Variants in ACCSL observed in about 807,000 individuals in gnomAD.
ACCSL encodes 1-aminocyclopropane-1-carboxylate synthase homolog (inactive) like.
In ACCSL, 55 loss-of-function variants were observed where a neutral mutation model predicts 61.7. That is an observed-to-expected ratio of 0.89 (90% CI 0.72 to 1.12). ACCSL has a LOEUF of 1.12. ACCSL is among the 50% of genes most tolerant of loss of function. The pLI, the probability that ACCSL is intolerant of heterozygous loss-of-function variation, is 0.00. For synonymous variants in ACCSL, 258 were observed against 264.3 expected (o/e 0.98, Z 0.23); for missense variants, 632 against 698.0 (o/e 0.91, Z 1.07).
At chr11:43,945,680 C>CA in the ACCSL span, 10,535 of 129,224 alleles carry the variant, frequency 0.082, 440 homozygotes, top group Middle Eastern at 0.13. Flanking sequence ...CCTATCTCTA[C>CA]AAAAAAAAAA....
At chr11:44,001,394 A>C in the ACCSL span, among the ~76,000 whole-genome samples, 4 of 151,952 alleles carry the variant, frequency 2.6e-5, no homozygotes, top group African/African-American at 9.7e-5. Context: ...ATTTCTGTTC[A>C]GTCTTTTGTT....
the ACCSL span, among the ~76,000 whole-genome samples, chr11:43,926,740 C>A: frequency 6.6e-6 from 1 of 152,246 alleles, no homozygotes; most frequent in Non-Finnish European, 1.5e-5. Flanking sequence ...CATGGCAACT[C>A]TTTACATTGG....
chr11:43,987,934 C>T, the ACCSL span, among the ~76,000 whole-genome samples: 3 of 152,078 alleles, frequency 2.0e-5, no homozygotes, highest in South Asian at 2.1e-4. Context: ...CCCCCACCCC[C>T]CCGCAGGGAA....
the ACCSL span, among the ~76,000 whole-genome samples, chr11:44,002,802 T>C: frequency 6.6e-6 from 1 of 152,252 alleles, no homozygotes; most frequent in East Asian, 1.9e-4. Context: ...TGATTTTTTG[T>C]TGTGGAGGTT....
Position 44,053,470 on chromosome 11 carries a change from C to A in ACCSL, c.1013C>A (p.Pro338Gln), listed in dbSNP as rs1245129311. The A allele has an allele frequency of 3.1e-6, 5 of 1,614,168 alleles. No homozygotes were observed. The highest frequency in any genetic ancestry group is 2.2e-5 in the East Asian group (1 of 44,884). The change falls in exon 8 of 14, where the codon CCA becomes CAA. Residue 338 changes from proline to glutamine, a missense_variant. Physicochemically the swap from Pro to Gln is moderately conservative, Grantham distance 76. Coordinates refer to ENST00000378832, the MANE Select transcript of ACCSL (RefSeq NM_001031854.2). The part of the protein sequence containing the change: ...PQNPLGDIYS[P>Q]DSLMKYLEFA... ...AATCCTCTGGGTGACATCTACTCCCCAGACTCACTGATGAAATACCTGGAA... is the reference window on the plus strand; with the variant it reads ...AATCCTCTGGGTGACATCTACTCCCAAGACTCACTGATGAAATACCTGGAA...
the ACCSL span, chr11:43,933,326 C>T: frequency 8.3e-6 from 3 of 359,604 alleles, no homozygotes; most frequent in African/African-American, 4.2e-5. Context: ...TGGACCTAGT[C>T]CAGAGAACCA....
chr11:43,932,359 C>T, the ACCSL span, among the ~76,000 whole-genome samples: 1 of 152,160 alleles, frequency 6.6e-6, no homozygotes, highest in African/African-American at 2.4e-5. Context: ...CCTCCGCCTC[C>T]CGGGTTCAAG....
chr11:44,049,821 T>C (rs12225717), intron 1 of ACCSL, among the ~76,000 whole-genome samples: 3,068 of 152,366 alleles, frequency 0.02, 73 homozygotes, highest in African/African-American at 0.051. Context: ...TAGTATCTGG[T>C]ACATAATAAG....
the ACCSL span, among the ~76,000 whole-genome samples, chr11:43,953,284 G>A: frequency 6.6e-5 from 10 of 152,228 alleles, no homozygotes; most frequent in Middle Eastern, 3.4e-3. Flanking sequence ...GGATGCCAAG[G>A]TGGATGGATC....
chr11:43,987,581 G>A, the ACCSL span, among the ~76,000 whole-genome samples: 1 of 152,164 alleles, frequency 6.6e-6, no homozygotes, highest in African/African-American at 2.4e-5. Flanking sequence ...GACAGGAAGT[G>A]GAATCTGGGT....
chr11:44,052,707 G>A lies in ACCSL; in HGVS notation c.818G>A (p.Ser273Asn), dbSNP rs769225471. ...PAPFYGGFAF[S>N]SRLYAKVELI... The stretch of plus-strand genomic sequence containing the variant: ...CCCTTCTATGGTGGCTTTGCCTTTA[G>A]CTCCCGCCTGTATGCAAAGGTTGAG... The change falls in exon 6 of 14, where the codon AGC becomes AAC. Residue 273 changes from serine to asparagine, a missense_variant. Physicochemically the swap from Ser to Asn is conservative, Grantham distance 46. Coordinates refer to ENST00000378832, the MANE Select transcript of ACCSL (RefSeq NM_001031854.2). 1 of 1,614,134 alleles carries A rather than the reference G, an allele frequency of 6.2e-7. No individual in the cohort carries two copies. The highest frequency in any genetic ancestry group is 1.1e-5 in the South Asian group (1 of 91,082).
chr11:44,023,533 T>C, the ACCSL span, among the ~76,000 whole-genome samples: 4 of 152,054 alleles, frequency 2.6e-5, no homozygotes, highest in African/African-American at 9.7e-5. Context: ...GTAACTCGAA[T>C]TTTTTCTTTC....
At chr11:44,021,633 C>T in the ACCSL span, among the ~76,000 whole-genome samples, 1 of 152,054 alleles carries the variant, frequency 6.6e-6, no homozygotes, top group Non-Finnish European at 1.5e-5. Context: ...TAAGTCTCAT[C>T]TATTTATCTT....
At chr11:44,013,029 T>C in the ACCSL span, among the ~76,000 whole-genome samples, 1 of 152,164 alleles carries the variant, frequency 6.6e-6, no homozygotes, top group African/African-American at 2.4e-5. Context: ...AAATACTCAT[T>C]AAATCTGTGA....
At chr11:43,999,724 G>A in the ACCSL span, among the ~76,000 whole-genome samples, 2 of 152,132 alleles carry the variant, frequency 1.3e-5, no homozygotes, top group Non-Finnish European at 2.9e-5. Context: ...AATATCAGGG[G>A]GTGGGATAAT....
chr11:44,050,116 G>A lies in ACCSL; in HGVS notation c.559G>A (p.Glu187Lys). ...ENKLCMDLMT[E>K]RLQESDMNCI... is the part of the protein sequence containing the mutation. ...CAAGCTCTGCATGGATCTGATGACTGAAAGAGTAAGGATGTTCTGGGCTGT... is the reference window on the plus strand; with the variant it reads ...CAAGCTCTGCATGGATCTGATGACTAAAAGAGTAAGGATGTTCTGGGCTGT... The change falls in exon 2 of 14, where the codon GAA (glutamate) becomes AAA (lysine). Residue 187 changes from glutamate (E) to lysine (K), a missense_variant. By Grantham distance (56) the Glu-to-Lys change is moderately conservative (BLOSUM62 1). Transcript: ENST00000378832. 2.5e-6 allele frequency: 4 copies of A among 1,613,850 alleles called. No homozygotes were observed. The highest frequency in any genetic ancestry group is 3.4e-6 in the Non-Finnish European group (4 of 1,179,744).
chr11:44,009,582 A>G, the ACCSL span, among the ~76,000 whole-genome samples: 1 of 152,180 alleles, frequency 6.6e-6, no homozygotes, highest in Non-Finnish European at 1.5e-5. Flanking sequence ...CCTCGGCGAC[A>G]TAGTGAGACC....
chr11:43,936,887 C>T, the ACCSL span, among the ~76,000 whole-genome samples: 16 of 152,202 alleles, frequency 1.1e-4, no homozygotes, highest in South Asian at 2.1e-4. Flanking sequence ...CCCACCCCCC[C>T]CTCCTGCCCT....
At chr11:44,042,638 T>G in the ACCSL span, among the ~76,000 whole-genome samples, 3 of 4,632 alleles carry the variant, frequency 6.5e-4, no homozygotes, top group African/African-American at 4.4e-3. Context: ...TTTTTTTTTG[T>G]TTGTTTTGTT....
Sources: gnomAD v4.1 joint callset for allele counts (sites outside exome capture counted in the v4.1 genomes callset) on GRCh38, gnomAD v4.1.1 for gene constraint, MANE v1.5 for transcripts, NCBI Gene and HGNC (gene_info 2026-07-23, HGNC 2026-07-21) for gene names.